ARHGAP25: variants seen among roughly 807,000 people sequenced by gnomAD.
ARHGAP25 encodes rho GTPase-activating protein 25.
Under a neutral mutation model 71.0 loss-of-function variants are expected in ARHGAP25, and 34 were observed. That is an observed-to-expected ratio of 0.48 (90% confidence interval 0.36 to 0.64). ARHGAP25 has a LOEUF of 0.64. Among genes scored for constraint, ARHGAP25 ranks in the 30% least tolerant of loss-of-function variants. ARHGAP25 has a pLI of 0.00. For missense variants in ARHGAP25, 706 were observed against 805.1 expected (o/e 0.88, Z 1.49); for synonymous variants, 282 against 296.5 (o/e 0.95, Z 0.50).
At chr2:68,785,821 A>G (rs1678720296) in intron 3 of ARHGAP25, among the ~76,000 whole-genome samples, 1 of 152,188 alleles carries the variant, frequency 6.6e-6, no homozygotes, top group African/African-American at 2.4e-5. Flanking sequence ...AACAAGAGAA[A>G]TAGCCCAAAG....
At chr2:68,730,651 GAAA>G (rs199845152), upstream of ARHGAP25, among the ~76,000 whole-genome samples, 692 of 117,484 alleles carry the variant, frequency 5.9e-3, 8 homozygotes, top group African/African-American at 0.02. Context: ...CCCTGTCTCA[GAAA>G]AAAAAAAAAA....
chr2:68,719,448 A>G (rs1674699718), intron 2 of ARHGAP25, among the ~76,000 whole-genome samples: 1 of 151,960 alleles, frequency 6.6e-6, no homozygotes, highest in African/African-American at 2.4e-5. Flanking sequence ...AAAAAAGAAA[A>G]AAAACCCCAC....
chr2:68,787,562 G>A (rs1405151760), intron 3 of ARHGAP25, among the ~76,000 whole-genome samples: 4 of 152,220 alleles, frequency 2.6e-5, no homozygotes. Flanking sequence ...CTTTTGGTAG[G>A]AAATGACTTC....
At chr2:68,816,088 T>G in intron 6 of ARHGAP25, 1 of 651,504 alleles carries the variant, frequency 1.5e-6, no homozygotes, top group Non-Finnish European at 2.8e-6. Context: ...TAACAAAAAC[T>G]ATGACCCTTT....
At chr2:68,770,823 A>G (rs1270285911) in intron 1 of ARHGAP25, among the ~76,000 whole-genome samples, 1 of 152,200 alleles carries the variant, frequency 6.6e-6, no homozygotes, top group Non-Finnish European at 1.5e-5. Flanking sequence ...TCACTCTGTC[A>G]TCTAAAGCAT....
intron 1 of ARHGAP25, among the ~76,000 whole-genome samples, chr2:68,757,039 G>T (rs947553799): frequency 6.6e-6 from 1 of 152,080 alleles, no homozygotes; most frequent in Non-Finnish European, 1.5e-5. Context: ...AATTTTAAAA[G>T]AGGGATTCAA....
intron 2 of ARHGAP25, among the ~76,000 whole-genome samples, chr2:68,781,081 G>A (rs1678299786): frequency 6.6e-6 from 1 of 152,064 alleles, no homozygotes; most frequent in African/African-American, 2.4e-5. Context: ...AGTTGTTGTG[G>A]GGGTCTAATG....
intron 2 of ARHGAP25, among the ~76,000 whole-genome samples, chr2:68,778,945 G>A (rs1467328113): frequency 6.6e-6 from 1 of 152,192 alleles, no homozygotes; most frequent in African/African-American, 2.4e-5. Flanking sequence ...GTTTAAGGCT[G>A]TGTAAGTCCA....
chr2:68,724,945 C>T (rs61001218), intron 2 of ARHGAP25, among the ~76,000 whole-genome samples: 2 of 152,172 alleles, frequency 1.3e-5, no homozygotes, highest in Admixed American at 6.5e-5. Context: ...ACCAGCAGAG[C>T]CTTTGCTGGT....
chr2:68,765,343 G>C (rs1677059408), intron 1 of ARHGAP25, among the ~76,000 whole-genome samples: 1 of 144,326 alleles, frequency 6.9e-6, no homozygotes, highest in African/African-American at 2.6e-5. Flanking sequence ...TTGAAGTTTA[G>C]AGCAATAGTT....
intron 1 of ARHGAP25, among the ~76,000 whole-genome samples, chr2:68,750,293 G>A (rs534322316): frequency 2.5e-4 from 38 of 150,206 alleles, no homozygotes; most frequent in Admixed American, 9.3e-4. Flanking sequence ...TGACAGACAT[G>A]AGCCACTGCG....
chr2:68,783,579 T>C (rs1462990548), intron 3 of ARHGAP25, among the ~76,000 whole-genome samples: 1 of 151,968 alleles, frequency 6.6e-6, no homozygotes, highest in Non-Finnish European at 1.5e-5. Flanking sequence ...TCTCCTTGCC[T>C]CAGCCTCCTG....
At chr2:68,780,978 G>A (rs906210575) in intron 2 of ARHGAP25, among the ~76,000 whole-genome samples, 2 of 152,206 alleles carry the variant, frequency 1.3e-5, no homozygotes, top group South Asian at 2.1e-4. Context: ...GCGCACTAAC[G>A]ATGTTACTTT....
intron 1 of ARHGAP25, among the ~76,000 whole-genome samples, chr2:68,747,955 C>T (rs1675934292): frequency 6.6e-6 from 1 of 152,218 alleles, no homozygotes; most frequent in South Asian, 2.1e-4. Flanking sequence ...TGCCTCCACT[C>T]TTGTCCTGGA....
At chr2:68,731,580 CCTGA>C (rs1675020699), upstream of ARHGAP25, among the ~76,000 whole-genome samples, 2 of 152,086 alleles carry the variant, frequency 1.3e-5, no homozygotes, top group South Asian at 4.1e-4. Context: ...CCTGCTCAGC[CCTGA>C]CTATCTCTCC....
chr2:68,743,616 G>A (rs1193761416), intron 1 of ARHGAP25, among the ~76,000 whole-genome samples: 2 of 152,172 alleles, frequency 1.3e-5, no homozygotes, highest in Non-Finnish European at 2.9e-5. Context: ...ATCTCCTTAT[G>A]CAGACATCTC....
chr2:68,771,042 A>G (rs1249515156), intron 1 of ARHGAP25, among the ~76,000 whole-genome samples: 2 of 152,192 alleles, frequency 1.3e-5, no homozygotes, highest in Admixed American at 1.3e-4. Context: ...AGTACTTAAA[A>G]CATGGCTAGT....
At chr2:68,808,553 T>C (rs1680544273) in intron 5 of ARHGAP25, among the ~76,000 whole-genome samples, 1 of 152,204 alleles carries the variant, frequency 6.6e-6, no homozygotes, top group African/African-American at 2.4e-5. Context: ...TAATTTCCCA[T>C]GGGTGCTATA....
chr2:68,810,149 A>G (rs79428498), intron 5 of ARHGAP25, among the ~76,000 whole-genome samples: 1 of 147,068 alleles, frequency 6.8e-6, no homozygotes, highest in Non-Finnish European at 1.5e-5. Flanking sequence ...AAAAAAAAAG[A>G]ATCATTTAAG....
Sources: gnomAD v4.1 joint callset for allele counts (sites outside exome capture counted in the v4.1 genomes callset) on GRCh38, gnomAD v4.1.1 for gene constraint, MANE v1.5 for transcripts, NCBI Gene and HGNC (gene_info 2026-07-23, HGNC 2026-07-21) for gene names.